The following MAD1L1 variants were observed in gnomAD, a reference collection of about 807,000 sequenced individuals.
MAD1L1 encodes the protein mitotic arrest deficient 1 like 1, also known as mitotic spindle assembly checkpoint protein MAD1.
In MAD1L1, 95 loss-of-function variants were observed where a neutral mutation model predicts 96.9. That is an observed-to-expected ratio of 0.98 (90% CI 0.83 to 1.16). The LOEUF is 1.16. Among genes scored for constraint, MAD1L1 ranks in the 50% most tolerant of loss-of-function variants. MAD1L1 has a pLI of 0.00. For missense variants in MAD1L1, 1,007 were observed against 954.4 expected, an observed-to-expected ratio of 1.06 and a Z score of -0.73; for synonymous variants, 473 against 396.6, an observed-to-expected ratio of 1.19 and a Z score of -2.29.
At chr7:2,018,739 A>G (rs910244918) in intron 12 of MAD1L1, among the ~76,000 whole-genome samples, 2 of 151,692 alleles carry the variant, frequency 1.3e-5, no homozygotes, top group Non-Finnish European at 2.9e-5. Flanking sequence ...GCAGCCCCTC[A>G]CCCATCTTCC....
chr7:2,023,864 G>A (rs868753914), intron 12 of MAD1L1, among the ~76,000 whole-genome samples: 61 of 152,170 alleles, frequency 4.0e-4, no homozygotes, highest in African/African-American at 1.3e-3. Context: ...CAGGAGAATC[G>A]CTTGAACCTG....
In MAD1L1 at chr7:1,868,622, G is replaced by A. The variant is rs563798744; in HGVS notation, c.1998+29578C>T. Among the ~76,000 whole-genome samples the A allele has an allele frequency of 3.3e-5, 5 of 152,228 alleles. No individual in the cohort carries two copies. In the South Asian group the frequency reaches 6.2e-4, roughly 19 times the overall value. On this transcript the variant is annotated intron_variant, in intron 18 of 18. Transcript: ENST00000265854. ...CTTGGATTTCTCCAGCGCGTCATGC[G>A]ATACCCTTGCGGCCTGCCTGGAAGT...
chr7:1,843,014 G>A (rs1236205337), intron 18 of MAD1L1, among the ~76,000 whole-genome samples: 3 of 152,216 alleles, frequency 2.0e-5, no homozygotes, highest in Non-Finnish European at 1.5e-5. Flanking sequence ...ATGGCATCCT[G>A]GCTTCCCAGT....
At chr7:2,049,901 G>C (rs1183138935) in intron 12 of MAD1L1, among the ~76,000 whole-genome samples, 1 of 147,776 alleles carries the variant, frequency 6.8e-6, no homozygotes, top group African/African-American at 2.5e-5. Flanking sequence ...CGTTCACAGG[G>C]CACCTCACCC....
intron 10 of MAD1L1, among the ~76,000 whole-genome samples, chr7:2,191,357 C>T (rs1408397199): frequency 6.6e-6 from 1 of 152,196 alleles, no homozygotes; most frequent in Non-Finnish European, 1.5e-5. Flanking sequence ...TCTCAAAGAA[C>T]AGGAACATGG....
At chr7:2,201,391 G>A (rs997333434) in intron 10 of MAD1L1, among the ~76,000 whole-genome samples, 1 of 152,080 alleles carries the variant, frequency 6.6e-6, no homozygotes, top group Non-Finnish European at 1.5e-5. Flanking sequence ...ACCTGTAAAA[G>A]TAGGGACGTG....
intron 10 of MAD1L1, among the ~76,000 whole-genome samples, chr7:2,155,913 T>A (rs755656311): frequency 9.9e-5 from 15 of 152,062 alleles, no homozygotes; most frequent in Non-Finnish European, 1.6e-4. Context: ...ACTTTCTCCA[T>A]CTCATAGTTT....
intron 7 of MAD1L1, 70 bp from the exon 8 acceptor site, chr7:2,216,357 A>G (rs1793280549): frequency 1.3e-6 from 2 of 1,512,032 alleles, no homozygotes; most frequent in African/African-American, 2.8e-5. Flanking sequence ...AATCACACGC[A>G]CACGGCTAAG....
At position 1,873,027 on chromosome 7, in the gene MAD1L1, A is replaced by C. The variant is rs116677324; in HGVS notation, c.1998+25173T>G. ...TTATCCCCAGGTGAGAAACGGAGAG[A>C]AGAAAGGGCCCAGCCCAGCAATGAC... On this transcript the variant is annotated intron_variant, in intron 18 of 18. Transcript: ENST00000265854. 7.0e-3 allele frequency among the ~76,000 whole-genome samples: 1,060 copies of C among 152,334 alleles called. 10 individuals are homozygous for C. Among genetic ancestry groups the C allele is most frequent in the African/African-American group, 0.024 (1,007 of 41,574 alleles).
intron 12 of MAD1L1, among the ~76,000 whole-genome samples, chr7:2,027,821 A>G (rs1783051739): frequency 6.6e-6 from 1 of 152,224 alleles, no homozygotes; most frequent in Non-Finnish European, 1.5e-5. Context: ...ACCAGCTATC[A>G]GCATGTCTGT....
At chr7:1,929,654 G>A (rs1234882416) in intron 17 of MAD1L1, among the ~76,000 whole-genome samples, 1 of 151,888 alleles carries the variant, frequency 6.6e-6, no homozygotes, top group African/African-American at 2.4e-5. Context: ...GACAGCCCTT[G>A]GGGAAGCCGT....
intron 18 of MAD1L1, among the ~76,000 whole-genome samples, chr7:1,828,149 A>G (rs1782523731): frequency 1.3e-5 from 2 of 152,102 alleles, no homozygotes; most frequent in Admixed American, 1.3e-4. Flanking sequence ...GGCGGCCGGC[A>G]GCTTCCGGCC....
chr7:2,087,622 CCA>C (rs1336225975), intron 11 of MAD1L1, among the ~76,000 whole-genome samples: 1 of 152,180 alleles, frequency 6.6e-6, no homozygotes, highest in Non-Finnish European at 1.5e-5. Context: ...AGCTTCTATA[CCA>C]CAGTCTGCAC....
At chr7:2,042,109 A>ACG (rs531050698) in intron 12 of MAD1L1, among the ~76,000 whole-genome samples, 6 of 151,848 alleles carry the variant, frequency 4.0e-5, no homozygotes, top group African/African-American at 1.2e-4. Flanking sequence ...GCACATGTGC[A>ACG]CACACACACG....
intron 10 of MAD1L1, among the ~76,000 whole-genome samples, chr7:2,182,914 A>C (rs1562349014): frequency 6.6e-6 from 1 of 152,190 alleles, no homozygotes; most frequent in African/African-American, 2.4e-5. Context: ...AAAAACCACC[A>C]AATTAAACAC....
Position 2,137,103 on chromosome 7 carries a change from C to T in MAD1L1, c.1073+12049G>A, listed in dbSNP as rs116241463. Among the ~76,000 whole-genome samples, 1,359 of 152,272 alleles carry T rather than the reference C, an allele frequency of 8.9e-3. 26 individuals carry two copies. The highest frequency in any genetic ancestry group is 0.03 in the African/African-American group (1,262 of 41,556). ...CCGCTGTGGGGTGTGGGCTGCTCTCCTGGGGTTAGGCTCACACAAACCCCT... is the reference window on the plus strand; with the variant it reads ...CCGCTGTGGGGTGTGGGCTGCTCTCTTGGGGTTAGGCTCACACAAACCCCT... On this transcript the variant is annotated intron_variant, in intron 11 of 18. Transcript: ENST00000265854.
At chr7:1,891,522 C>T (rs1786538856) in intron 18 of MAD1L1, among the ~76,000 whole-genome samples, 1 of 139,194 alleles carries the variant, frequency 7.2e-6, no homozygotes, top group Admixed American at 7.8e-5. Flanking sequence ...AAGACTCTGT[C>T]TCAAATAAAT....
At chr7:2,054,532 G>A (rs1484106657) in intron 12 of MAD1L1, among the ~76,000 whole-genome samples, 1 of 152,180 alleles carries the variant, frequency 6.6e-6, no homozygotes, top group Non-Finnish European at 1.5e-5. Context: ...TCTAATAACT[G>A]TGCAAATGGC....
chr7:2,130,857 A>T (rs2128567876), intron 11 of MAD1L1, among the ~76,000 whole-genome samples: 1 of 152,322 alleles, frequency 6.6e-6, no homozygotes, highest in South Asian at 2.1e-4. Context: ...ATGCCAAATC[A>T]ACCTTCCCGG....
Sources: gnomAD v4.1 joint callset for allele counts (sites outside exome capture counted in the v4.1 genomes callset) on GRCh38, gnomAD v4.1.1 for gene constraint, MANE v1.5 for transcripts, NCBI Gene and HGNC (gene_info 2026-07-23, HGNC 2026-07-21) for gene names.